Variants in GAREM2 observed in about 807,000 individuals in gnomAD.
GAREM2 encodes the protein GRB2-associated and regulator of MAPK protein 2.
In GAREM2, 30 loss-of-function variants were observed where a neutral mutation model predicts 55.6. That is an observed-to-expected ratio of 0.54 (90% CI 0.40 to 0.73). The LOEUF (loss-of-function observed/expected upper bound fraction) is 0.73, where lower values mean the gene tolerates loss of function less well. Among genes scored for constraint, GAREM2 ranks in the 30% least tolerant of loss-of-function variants. The probability of loss-of-function intolerance (pLI) is 0.00; values close to 1 mark genes in which losing one functional copy is unlikely to be tolerated. For synonymous variants in GAREM2, 550 were observed against 569.1 expected, an observed-to-expected ratio of 0.97 and a Z score of 0.48; for missense variants, 1,075 against 1,257.7, an observed-to-expected ratio of 0.85 and a Z score of 2.20.
At chr2:26,182,625 C>A in intron 2 of GAREM2, 1 of 896,902 alleles carries the variant, frequency 1.1e-6, no homozygotes, top group Non-Finnish European at 1.8e-6. Context: ...CGGTACCACA[C>A]TGATAGTTGA....
chr2:26,193,761 G>A (rs778014305), downstream of GAREM2: 4 of 1,613,910 alleles, frequency 2.5e-6, no homozygotes, highest in African/African-American at 1.3e-5. Context: ...GCTTCTTCGG[G>A]TCAACTCCTT....
chr2:26,187,704 C>T lies in GAREM2; in HGVS notation c.2072C>T (p.Ser691Phe). ...SSCAPSSSSS[S>F]EWQEPVLEPF... ...TGCGCCCCCTCCTCCTCCTCTTCTT[C>T]TGAATGGCAGGAACCAGTCCTGGAG... The change falls in exon 6 of 6, where the codon TCT (serine) becomes TTT (phenylalanine). Residue 691 changes from serine to phenylalanine, a missense_variant. Around this residue, in one of 6 missense-constraint regions of GAREM2, gnomAD observed 515 missense variants for 501.5 expected, o/e 1.03. Coordinates refer to ENST00000401533, the MANE Select transcript of GAREM2 (RefSeq NM_001168241.2). 4.0e-6 allele frequency: 6 copies of T among 1,488,198 alleles called. No homozygotes were observed. Among genetic ancestry groups the T allele is most frequent in the Non-Finnish European group, 5.4e-6 (6 of 1,115,638 alleles). The allele number at this position is 1,488,198 out of a possible 1,614,324, so 92.2% of individuals were successfully genotyped here. A position where few individuals can be genotyped will look rare whatever the true frequency, so the allele number is the denominator to read the frequency against.
chr2:26,201,810 T>A, the GAREM2 span, among the ~76,000 whole-genome samples: 11 of 152,246 alleles, frequency 7.2e-5, no homozygotes, highest in East Asian at 9.7e-4. Flanking sequence ...TTATTTATTT[T>A]TTGAGACGGA....
At position 26,179,975 on chromosome 2, in the gene GAREM2, G is replaced by A. The variant is rs1668990539; in HGVS notation, c.254-2992G>A. The stretch of plus-strand genomic sequence containing the variant: ...GGGGGAGGAGGCGGGAGTGAGGGGA[G>A]GAGGCTACTCAGTGCCTGCAGTTCC... On this transcript the variant is annotated intron_variant, in intron 2 of 5. Transcript: ENST00000401533. This position sits in a 1 kb window ranked among gnomAD's most constrained non-coding sequence, Gnocchi z 4.7. Among the ~76,000 whole-genome samples, 1 of 152,032 alleles carries A rather than the reference G, an allele frequency of 6.6e-6. No homozygotes were observed. Among genetic ancestry groups the A allele is most frequent in the Non-Finnish European group, 1.5e-5 (1 of 67,972 alleles).
At position 26,184,949 on chromosome 2, in the gene GAREM2, G is replaced by C; in HGVS notation, c.1101G>C (p.Glu367Asp). ...YSTAVREAPAELAEDCASPRR... is the reference protein window; with the variant it reads ...YSTAVREAPADLAEDCASPRR... ...CGGCCGTGCGCGAGGCGCCAGCGGAGCTCGCCGAAGACTGCGCCAGCCCGC... is the reference window on the plus strand; with the variant it reads ...CGGCCGTGCGCGAGGCGCCAGCGGACCTCGCCGAAGACTGCGCCAGCCCGC... Residue 367 changes from glutamate (E) to aspartate (D), a missense_variant, in exon 4 of 6, where the codon GAG becomes GAC. Physicochemically the swap from Glu to Asp is conservative, Grantham distance 45. Transcript: ENST00000401533. 7.8e-7 allele frequency: 1 copy of C among 1,276,016 alleles called. No individual in the cohort carries two copies. The highest frequency in any genetic ancestry group is 9.9e-7 in the Non-Finnish European group (1 of 1,012,798). The allele number at this position is 1,276,016 out of a possible 1,614,324, so 79.0% of individuals were successfully genotyped here. A position where few individuals can be genotyped will look rare whatever the true frequency, so the allele number is the denominator to read the frequency against.
Position 26,173,301 on chromosome 2 carries a change from C to A in GAREM2, c.81C>A (p.Cys27Ter). ...AFPLDLIVSR[C>*]RLPTLACLGP... Reference sequence around the variant, plus strand: ...CGCTCGACCTCATCGTCAGCCGCTGCCGCCTGCCCACGCTCGCCTGCCTTG... The same window carrying A: ...CGCTCGACCTCATCGTCAGCCGCTGACGCCTGCCCACGCTCGCCTGCCTTG... Residue 27 changes from cysteine to a stop codon, truncating the protein, a stop_gained, in exon 1 of 6, where the codon TGC becomes TGA. Coordinates refer to ENST00000401533, the MANE Select transcript of GAREM2 (RefSeq NM_001168241.2). LOFTEE classifies it high-confidence loss of function. 4 of 1,433,914 alleles carry A rather than the reference C, an allele frequency of 2.8e-6. No homozygotes were observed. The highest frequency in any genetic ancestry group is 9.2e-7 in the Non-Finnish European group (1 of 1,091,100). 88.8% of individuals were successfully genotyped at this position (1,433,914 alleles called of 1,614,324 possible).
In GAREM2 at chr2:26,182,994, G is replaced by A. The variant is rs914662894; in HGVS notation, c.281G>A (p.Arg94Gln). The change falls in exon 3 of 6, where the codon CGG becomes CAG. Residue 94 changes from arginine (R) to glutamine (Q), a missense_variant. Transcript: ENST00000401533. The part of the protein sequence containing the change: ...PGKFKLLEQA[R>Q]DVREPVRYFS... Reference sequence around the variant, plus strand: ...AAGTTCAAGCTCCTGGAACAGGCCCGGGATGTGCGGGAGCCAGTGAGGTAC... The same window carrying A: ...AAGTTCAAGCTCCTGGAACAGGCCCAGGATGTGCGGGAGCCAGTGAGGTAC... 11 of 1,551,710 alleles carry A rather than the reference G, an allele frequency of 7.1e-6. No individual in the cohort carries two copies. The highest frequency in any genetic ancestry group is 9.6e-6 in the Non-Finnish European group (11 of 1,146,982).
intron 2 of GAREM2, 134 bp from the exon 3 acceptor site, chr2:26,182,833 G>A: frequency 9.0e-7 from 1 of 1,112,180 alleles, no homozygotes; most frequent in Non-Finnish European, 1.3e-6. Context: ...GTGGAAACCT[G>A]CCCTTTGGCC....
Position 26,187,466 on chromosome 2 carries a change from C to T in GAREM2, c.1834C>T (p.Pro612Ser). ...CCCTGTTAAGACCTACCACAGCTGC[C>T]CTCCTCTATTCAAGCCCTCACATCC... Reference protein sequence around the residue: ...DTPVKTYHSCPPLFKPSHPQK... With the variant: ...DTPVKTYHSCSPLFKPSHPQK... The change falls in exon 6 of 6, where the codon CCT becomes TCT. Residue 612 changes from proline to serine, a missense_variant. This residue lies in a region of GAREM2 where 515 missense variants were observed against 501.5 expected (regional missense o/e 1.03). Coordinates refer to ENST00000401533, the MANE Select transcript of GAREM2 (RefSeq NM_001168241.2). The T allele has an allele frequency of 6.5e-7, 1 of 1,548,430 alleles. No homozygotes were observed. The highest frequency in any genetic ancestry group is 8.7e-7 in the Non-Finnish European group (1 of 1,145,536).
the GAREM2 span, among the ~76,000 whole-genome samples, chr2:26,196,997 A>C: frequency 1.3e-5 from 2 of 152,224 alleles, no homozygotes; most frequent in African/African-American, 4.8e-5. Context: ...AAGAGTAGGA[A>C]TAAATAGGCT....
At position 26,183,003 on chromosome 2, in the gene GAREM2, G is replaced by A. The variant is rs752522463; in HGVS notation, c.290G>A (p.Arg97Gln). 17 of 1,551,606 alleles carry A rather than the reference G, an allele frequency of 1.1e-5. No individual in the cohort carries two copies. The highest frequency in any genetic ancestry group is 9.8e-5 in the Admixed American group (5 of 50,984). ...FKLLEQARDVREPVRYFSSVE... is the reference protein window; with the variant it reads ...FKLLEQARDVQEPVRYFSSVE... ...CTCCTGGAACAGGCCCGGGATGTGC[G>A]GGAGCCAGTGAGGTACTTCAGCAGC... The change falls in exon 3 of 6, where the codon CGG (arginine) becomes CAG (glutamine). Residue 97 changes from arginine (R) to glutamine (Q), a missense_variant. Arg to Gln is a conservative substitution (Grantham distance 43). Coordinates refer to ENST00000401533, the MANE Select transcript of GAREM2 (RefSeq NM_001168241.2).
In GAREM2 at chr2:26,188,528, T is replaced by G. The variant is rs1350072991; in HGVS notation, c.*271T>G. ...CCTGGGCCCAGTAAGGCATTTGCCG[T>G]GATTCCCACAACGGGGTCAAAAGCT... On this transcript the variant is annotated 3_prime_UTR_variant, in exon 6 of 6. Transcript: ENST00000401533. 6 of 354,494 alleles carry G rather than the reference T, an allele frequency of 1.7e-5. No homozygotes were observed. In the East Asian group the frequency reaches 2.5e-4, roughly 15 times the overall value. 22.0% of individuals were successfully genotyped at this position (354,494 alleles called of 1,614,324 possible).
chr2:26,191,669 A>C (rs1669509763), downstream of GAREM2: 1 of 1,606,572 alleles, frequency 6.2e-7, no homozygotes, highest in Admixed American at 1.7e-5. Context: ...GAAGAGGAAA[A>C]GGGGAGGAAA....
chr2:26,175,849 G>A (rs1300867746), intron 1 of GAREM2, among the ~76,000 whole-genome samples: 1 of 152,164 alleles, frequency 6.6e-6, no homozygotes, highest in Admixed American at 6.5e-5. Flanking sequence ...GCCCTGACTG[G>A]GAAGCACAGC....
chr2:26,194,717 C>T, the GAREM2 span: 17 of 914,046 alleles, frequency 1.9e-5, 1 homozygote, highest in South Asian at 1.9e-4. Flanking sequence ...CCCAGGGTCA[C>T]TTCAAAGTCA....
chr2:26,184,673 CA>C lies in GAREM2; in HGVS notation c.827del (p.Asn276ThrfsTer122). 1 of 1,543,796 alleles carries C rather than the reference CA, an allele frequency of 6.5e-7. No individual in the cohort carries two copies. The highest frequency in any genetic ancestry group is 8.7e-7 in the Non-Finnish European group (1 of 1,144,428). On this transcript the variant is annotated frameshift_variant, in exon 4 of 6. Transcript: ENST00000401533. LOFTEE classifies it high-confidence loss of function. ...TGCTGGTGCCCAGCCGGCCGCCGCG[CA>C]ACCCCTACGACCTGCACCCGGTGCG... is the stretch of plus-strand genomic sequence containing the variant. ...NVLVPSRPPR[N>X]PYDLHPVREG... is the part of the protein sequence containing the mutation.
intron 4 of GAREM2, 144 bp downstream of exon 4, chr2:26,185,420 G>T (rs1669218779): frequency 2.3e-6 from 3 of 1,307,788 alleles, no homozygotes; most frequent in African/African-American, 3.1e-5. Context: ...GCAGAGGCAT[G>T]CCAGGCAAAA....
In GAREM2 at chr2:26,187,243, C is replaced by T. The variant is rs1415561784; in HGVS notation, c.1611C>T (p.Arg537=). 6.9e-7 allele frequency: 1 copy of T among 1,450,892 alleles called. No homozygotes were observed. Among genetic ancestry groups the T allele is most frequent in the African/African-American group, 1.4e-5 (1 of 70,000 alleles). The allele number at this position is 1,450,892 out of a possible 1,614,324, so 89.9% of individuals were successfully genotyped here. Residue 537 remains arginine (R), a synonymous_variant, in exon 6 of 6, where the codon CGC becomes CGT. Transcript: ENST00000401533. ...SSGLQDGAGS[R]SGSGSPSPDT... is the part of the protein sequence containing the mutation. ...TCTCTGTCCACAGGGCGGGTTCCCG[C>T]AGTGGCAGTGGCTCCCCATCGCCGG... is the stretch of plus-strand genomic sequence containing the variant.
At chr2:26,182,474 G>A (rs982840798) in intron 2 of GAREM2, 5 of 1,550,440 alleles carry the variant, frequency 3.2e-6, no homozygotes, top group African/African-American at 2.7e-5. Context: ...CCAGGGCGAT[G>A]CACAGGATGC....
Sources: gnomAD v4.1 joint callset for allele counts (sites outside exome capture counted in the v4.1 genomes callset) on GRCh38, gnomAD v4.1.1 for gene constraint, gnomAD v4.1.1 regional missense constraint, Gnocchi (gnomAD v3.1) non-coding constraint, MANE v1.5 for transcripts, NCBI Gene and HGNC (gene_info 2026-07-23, HGNC 2026-07-21) for gene names.